Variants in SEMA3A observed in about 807,000 individuals in gnomAD.
SEMA3A encodes the protein semaphorin-3A.
In SEMA3A, 29 loss-of-function variants were observed where a neutral mutation model predicts 97.9. The observed-to-expected ratio is 0.30, with a 90% CI of 0.22 to 0.40. SEMA3A has a LOEUF of 0.40. Ranked by LOEUF, SEMA3A falls within the 10% of genes least tolerant of loss-of-function variation. SEMA3A has a pLI of 1.00. For synonymous variants in SEMA3A, 321 were observed against 323.7 expected (o/e 0.99, Z 0.09); for missense variants, 763 against 951.3 (o/e 0.80, Z 2.60).
chr7:84,459,476 G>A (rs1474649305), intron 1 of SEMA3A, among the ~76,000 whole-genome samples: 1 of 152,056 alleles, frequency 6.6e-6, no homozygotes, highest in Non-Finnish European at 1.5e-5. Flanking sequence ...TGTAATCTTT[G>A]TAGCAGGTAA....
chr7:84,145,101 T>C (rs1796424741), intron 1 of SEMA3A, among the ~76,000 whole-genome samples: 1 of 152,182 alleles, frequency 6.6e-6, no homozygotes, highest in Non-Finnish European at 1.5e-5. Context: ...GAATGCTCTT[T>C]ATCTCCCCAA....
intron 3 of SEMA3A, among the ~76,000 whole-genome samples, chr7:84,306,995 G>A (rs536230904): frequency 4.0e-5 from 6 of 151,814 alleles, no homozygotes; most frequent in African/African-American, 1.4e-4. Flanking sequence ...CATTTCAAAT[G>A]GCAATTCCTA....
chr7:84,055,030 AGGGACC>A (rs1456747269), intron 5 of SEMA3A, among the ~76,000 whole-genome samples: 1 of 152,086 alleles, frequency 6.6e-6, no homozygotes, highest in Non-Finnish European at 1.5e-5. Flanking sequence ...GTCAGGGGTC[AGGGACC>A]CACTTGAGGA....
intron 1 of SEMA3A, among the ~76,000 whole-genome samples, chr7:84,404,715 C>G (rs1181864718): frequency 6.6e-6 from 1 of 152,154 alleles, no homozygotes; most frequent in South Asian, 2.1e-4. Context: ...ACTCTACAAG[C>G]CAGAAGAGAG....
At chr7:84,425,876 A>C (rs974502084) in intron 1 of SEMA3A, among the ~76,000 whole-genome samples, 6 of 81,982 alleles carry the variant, frequency 7.3e-5, no homozygotes. Context: ...ACACACACAC[A>C]CCCACACACA....
intron 4 of SEMA3A, among the ~76,000 whole-genome samples, chr7:84,065,851 A>G (rs1793464314): frequency 6.6e-6 from 1 of 151,880 alleles, no homozygotes; most frequent in African/African-American, 2.4e-5. Context: ...ACGAGGAGGA[A>G]CTGGTAGCAT....
chr7:84,327,070 C>G lies in SEMA3A; in HGVS notation c.-168-19778G>C, dbSNP rs191910102. ...TGCAAACTAGGCACCTAACAAAAGT[C>G]TAATATCCAGCATCTATAAGGAACT... On this transcript the variant is annotated intron_variant, in intron 2 of 3. Coordinates refer to the SEMA3A transcript ENST00000424555. 2.6e-5 allele frequency among the ~76,000 whole-genome samples: 4 copies of G among 151,976 alleles called. No homozygotes were observed. The East Asian group carries it at 5.8e-4, about 22-fold the overall frequency.
intron 1 of SEMA3A, among the ~76,000 whole-genome samples, chr7:84,477,798 C>A (rs1466988739): frequency 6.6e-6 from 1 of 152,232 alleles, no homozygotes; most frequent in South Asian, 2.1e-4. Flanking sequence ...TAAAAATGTT[C>A]AGTGAATGAA....
intron 12 of SEMA3A, among the ~76,000 whole-genome samples, chr7:83,993,187 CTTTTA>C (rs1391828229): frequency 2.3e-5 from 3 of 130,692 alleles, no homozygotes; most frequent in Admixed American, 8.1e-5. Context: ...TTCCTCCATC[CTTTTA>C]TTTTGAGCGT....
At chr7:84,108,708 C>T (rs1795187114) in intron 4 of SEMA3A, among the ~76,000 whole-genome samples, 1 of 152,002 alleles carries the variant, frequency 6.6e-6, no homozygotes, top group Admixed American at 6.6e-5. Flanking sequence ...AGTTCGAGAC[C>T]AGCCTAAGCG....
intron 14 of SEMA3A, among the ~76,000 whole-genome samples, chr7:83,978,028 C>T (rs770561652): frequency 6.6e-6 from 1 of 152,084 alleles, no homozygotes; most frequent in East Asian, 1.9e-4. Context: ...TGGTCTCGAT[C>T]TCCTGACCTT....
chr7:84,381,190 G>T (rs1402736488), intron 1 of SEMA3A, among the ~76,000 whole-genome samples: 3 of 152,102 alleles, frequency 2.0e-5, no homozygotes, highest in Non-Finnish European at 2.9e-5. Context: ...AATAAAGAGA[G>T]GGTGATTCTA....
intron 2 of SEMA3A, among the ~76,000 whole-genome samples, chr7:84,348,347 G>T (rs1486957039): frequency 3.9e-5 from 6 of 152,092 alleles, no homozygotes; most frequent in African/African-American, 1.4e-4. Context: ...TCCCTCAGTA[G>T]ATTACAAAAT....
At chr7:84,307,184 G>A (rs1386319317) in intron 3 of SEMA3A, 1 of 152,102 alleles carries the variant, frequency 6.6e-6, no homozygotes, top group Non-Finnish European at 1.5e-5. Flanking sequence ...ACATGCCAAT[G>A]TGTATAAGTT....
chr7:83,999,539 T>C (rs568577996), intron 12 of SEMA3A, among the ~76,000 whole-genome samples: 12 of 152,116 alleles, frequency 7.9e-5, no homozygotes, highest in African/African-American at 2.9e-4. Flanking sequence ...GAAACTGAGA[T>C]GGATAACACA....
At chr7:84,476,991 A>G (rs906203151) in intron 1 of SEMA3A, among the ~76,000 whole-genome samples, 1 of 151,252 alleles carries the variant, frequency 6.6e-6, no homozygotes, top group Non-Finnish European at 1.5e-5. Context: ...AAGGAAAGAG[A>G]CTTATCTTAC....
intron 1 of SEMA3A, among the ~76,000 whole-genome samples, chr7:84,386,658 T>C (rs181698333): frequency 6.6e-4 from 100 of 152,306 alleles, no homozygotes; most frequent in African/African-American, 2.3e-3. Context: ...TTTAAGATAG[T>C]AAATAACACT....
intron 3 of SEMA3A, among the ~76,000 whole-genome samples, chr7:84,280,064 AT>A (rs1313098184): frequency 6.6e-6 from 1 of 151,802 alleles, no homozygotes; most frequent in Non-Finnish European, 1.5e-5. Context: ...TGTCTGGCTG[AT>A]TTTTGTATTT....
At chr7:83,998,034 T>C (rs536940587) in intron 12 of SEMA3A, among the ~76,000 whole-genome samples, 2 of 151,996 alleles carry the variant, frequency 1.3e-5, no homozygotes, top group South Asian at 4.2e-4. Context: ...CTGCACAATA[T>C]CTTAAATGCT....
Sources: allele counts gnomAD v4.1 joint callset (sites outside exome capture counted in the v4.1 genomes callset), GRCh38; gene constraint gnomAD v4.1.1; transcripts MANE v1.5; gene names NCBI Gene and HGNC (gene_info 2026-07-23, HGNC 2026-07-21).